VWF: variants seen among roughly 807,000 people sequenced by gnomAD.
VWF encodes the protein von Willebrand factor, also known as Factor VIII related antigen.
VWF carries 176 observed loss-of-function variants against 308.6 expected under a neutral mutation model. The observed-to-expected ratio is 0.57, with a 90% CI of 0.50 to 0.65. VWF has a LOEUF of 0.65. VWF is among the 30% of genes least tolerant of loss of function. The pLI is 0.00. For synonymous variants in VWF, 1,385 were observed against 1,443.4 expected (o/e 0.96, Z 0.92); for missense variants, 3,146 against 3,648.2 (o/e 0.86, Z 3.55).
In VWF at chr12:6,011,740, C is replaced by G; in HGVS notation, c.5719G>C (p.Asp1907His). 1 of 1,613,794 alleles carries G rather than the reference C, an allele frequency of 6.2e-7. No individual in the cohort carries two copies. ...TGACTCTTCAGCAAGGTCTGGCCAT[C>G]TGGCTGGCAAGTCACGGTGTGGCAC... ...DQCHTVTCQPDGQTLLKSHRV... is the reference protein window; with the variant it reads ...DQCHTVTCQPHGQTLLKSHRV... The change falls in exon 34 of 52, where the codon GAT (aspartate) becomes CAT (histidine). Residue 1907 changes from aspartate (D) to histidine (H), a missense_variant. Transcript: ENST00000261405.
chr12:6,113,376 C>A (rs1197338769), intron 3 of VWF, among the ~76,000 whole-genome samples: 1 of 151,156 alleles, frequency 6.6e-6, no homozygotes, highest in Non-Finnish European at 1.5e-5. Context: ...CGGCTCACTG[C>A]AAGCTCCGCC....
chr12:6,104,341 TACA>T (rs1162958507), intron 5 of VWF, among the ~76,000 whole-genome samples: 1 of 151,392 alleles, frequency 6.6e-6, no homozygotes, highest in Non-Finnish European at 1.5e-5. Context: ...TGTAAATGAG[TACA>T]ACCTCTATGG....
chr12:6,009,900 T>C (rs1281668808), intron 34 of VWF, among the ~76,000 whole-genome samples: 1 of 152,158 alleles, frequency 6.6e-6, no homozygotes, highest in Admixed American at 6.5e-5. Flanking sequence ...ACTGCATGAA[T>C]CCACTTACAG....
chr12:6,070,027 C>A (rs1250240134), intron 10 of VWF, among the ~76,000 whole-genome samples: 2 of 152,220 alleles, frequency 1.3e-5, no homozygotes, highest in East Asian at 1.9e-4. Flanking sequence ...CTAATTCCAT[C>A]CACTGTGGCT....
intron 14 of VWF, among the ~76,000 whole-genome samples, chr12:6,057,480 T>TTA (rs1944593727): frequency 7.7e-6 from 1 of 129,576 alleles, no homozygotes; most frequent in Non-Finnish European, 1.6e-5. Context: ...GCCCGGCAAA[T>TTA]TTATTATTAT....
chr12:6,007,567 C>A (rs1943942979), intron 34 of VWF, among the ~76,000 whole-genome samples: 1 of 151,946 alleles, frequency 6.6e-6, no homozygotes. Flanking sequence ...TGGGAAACAG[C>A]AAAAGCAATA....
intron 22 of VWF, among the ~76,000 whole-genome samples, chr12:6,027,676 A>G (rs1353493430): frequency 1.3e-5 from 2 of 152,174 alleles, no homozygotes; most frequent in Admixed American, 6.5e-5. Flanking sequence ...GGAATGTAAA[A>G]AAGGCAAGAA....
chr12:6,028,382 GT>G (rs1407315154), intron 22 of VWF, among the ~76,000 whole-genome samples: 3 of 152,248 alleles, frequency 2.0e-5, no homozygotes, highest in Admixed American at 2.0e-4. Context: ...AGTTGATATT[GT>G]CATTCAGATT....
At chr12:6,017,656 T>C (rs1944078116) in intron 28 of VWF, among the ~76,000 whole-genome samples, 1 of 152,188 alleles carries the variant, frequency 6.6e-6, no homozygotes, top group Non-Finnish European at 1.5e-5. Flanking sequence ...CCAGATACTA[T>C]TTTAAGCAAG....
rs1428358025 is a variant in VWF at position 6,110,872 on chromosome 12, T to G, written c.317A>C (p.Asp106Ala). 5.0e-6 allele frequency: 8 copies of G among 1,613,788 alleles called. No homozygotes were observed. Among genetic ancestry groups the G allele is most frequent in the Non-Finnish European group, 6.8e-6 (8 of 1,179,948 alleles). Residue 106 changes from aspartate (D) to alanine (A), a missense_variant, in exon 4 of 52, where the codon GAC becomes GCC. Around this residue, in one of 3 missense-constraint regions of VWF, gnomAD observed 1,304 missense variants for 1,353.0 expected, o/e 0.96. Transcript: ENST00000261405. ...TCAGACATTGTTGGCTTACCTTTGG[T>G]CCCCCTGTGTCACGGTACCATTGAC... The part of the protein sequence containing the change: ...LFVNGTVTQG[D>A]QRVSMPYASK...
chr12:6,069,811 G>C (rs149210363), intron 10 of VWF, among the ~76,000 whole-genome samples: 3 of 152,346 alleles, frequency 2.0e-5, no homozygotes, highest in East Asian at 1.9e-4. Flanking sequence ...TCATCTTCTA[G>C]ATTTTGAATT....
chr12:6,090,526 C>A (rs1945021039), intron 6 of VWF, among the ~76,000 whole-genome samples: 1 of 152,152 alleles, frequency 6.6e-6, no homozygotes, highest in South Asian at 2.1e-4. Flanking sequence ...CTTCTGCCGG[C>A]TCCCATTCTC....
chr12:5,974,146 C>T (rs905130653), intron 43 of VWF, among the ~76,000 whole-genome samples: 20 of 152,118 alleles, frequency 1.3e-4, no homozygotes, highest in Admixed American at 2.6e-4. Flanking sequence ...CCTCTGAGGT[C>T]GGACCAGAGC....
At chr12:5,967,366 A>C in intron 47 of VWF, 120 bp downstream of exon 47, 1 of 871,812 alleles carries the variant, frequency 1.1e-6, no homozygotes, top group Non-Finnish European at 2.0e-6. Context: ...ATTGTCAATT[A>C]TTGTTTATAA....
chr12:6,032,637 C>CA (rs1308707389), intron 20 of VWF, among the ~76,000 whole-genome samples: 57 of 135,174 alleles, frequency 4.2e-4, no homozygotes, highest in Non-Finnish European at 4.7e-4. Context: ...GACTCTGTCT[C>CA]AAAAAAAAAA....
intron 22 of VWF, among the ~76,000 whole-genome samples, chr12:6,029,132 A>G (rs1944228329): frequency 6.6e-6 from 1 of 152,122 alleles, no homozygotes; most frequent in Non-Finnish European, 1.5e-5. Flanking sequence ...CTGATAAAAC[A>G]GTCTTTGAAC....
At position 5,984,017 on chromosome 12, in the gene VWF, T is replaced by TAGATAGATAGAC. The variant is rs60466769; in HGVS notation, c.6977-764_6977-763insGTCTATCTATCT. Among the ~76,000 whole-genome samples, 242 of 134,582 alleles carry TAGATAGATAGAC rather than the reference T, an allele frequency of 1.8e-3. 3 individuals are homozygous for TAGATAGATAGAC. The highest frequency in any genetic ancestry group is 6.7e-3 in the African/African-American group (215 of 32,072). The allele number at this position is 134,582 out of a possible 152,430, so 88.3% of individuals were successfully genotyped here. A position where few individuals can be genotyped will look rare whatever the true frequency, so the allele number is the denominator to read the frequency against. ...ATAGATAGATAGATAGATAGATAGATAGACAGACAGACAGACAGACAGATA... is the reference window on the plus strand; with the variant it reads ...ATAGATAGATAGATAGATAGATAGATAGATAGATAGACAGACAGACAGACAGACAGACAGATA... On this transcript the variant is annotated intron_variant, in intron 40 of 51. Coordinates refer to ENST00000261405, the MANE Select transcript of VWF (RefSeq NM_000552.5).
intron 5 of VWF, among the ~76,000 whole-genome samples, chr12:6,107,783 C>T (rs1007818961): frequency 6.6e-6 from 1 of 152,088 alleles, no homozygotes. Context: ...CTCAGCTTCC[C>T]GAGTAGCTGG....
At chr12:5,965,277 A>G (rs772102829) in intron 47 of VWF, among the ~76,000 whole-genome samples, 2 of 152,116 alleles carry the variant, frequency 1.3e-5, no homozygotes, top group Non-Finnish European at 2.9e-5. Flanking sequence ...TTGTCCTCCT[A>G]AAACTGCCTT....
Sources: gnomAD v4.1 joint callset for allele counts (sites outside exome capture counted in the v4.1 genomes callset) on GRCh38, gnomAD v4.1.1 for gene constraint, gnomAD v4.1.1 regional missense constraint, MANE v1.5 for transcripts, NCBI Gene and HGNC (gene_info 2026-07-23, HGNC 2026-07-21) for gene names.